EYS: variants seen among roughly 807,000 people sequenced by gnomAD.
The protein encoded by EYS is protein eyes shut homolog.
EYS carries 250 observed loss-of-function variants against 282.1 expected under a neutral mutation model. The observed-to-expected ratio is 0.89, with a 90% CI of 0.80 to 0.98. EYS has a LOEUF of 0.98. EYS is among the 50% of genes least tolerant of loss of function. The pLI is 0.00. For synonymous variants in EYS, 1,355 were observed against 1,282.9 expected (o/e 1.06, Z -1.20); for missense variants, 4,016 against 3,709.0 (o/e 1.08, Z -2.15).
At chr6:64,155,303 A>T (rs1322085183) in intron 31 of EYS, among the ~76,000 whole-genome samples, 1 of 151,746 alleles carries the variant, frequency 6.6e-6, no homozygotes, top group Non-Finnish European at 1.5e-5. Context: ...GGGTGTGATC[A>T]TTTCCAACCA....
At chr6:64,971,131 T>C (rs75491004) in intron 14 of EYS, among the ~76,000 whole-genome samples, 1 of 152,078 alleles carries the variant, frequency 6.6e-6, no homozygotes, top group East Asian at 1.9e-4. Flanking sequence ...CAACAAAGGA[T>C]GGCTTGATAA....
intron 22 of EYS, among the ~76,000 whole-genome samples, chr6:64,659,786 C>A (rs1478267675): frequency 2.0e-5 from 3 of 152,072 alleles, no homozygotes; most frequent in Non-Finnish European, 4.4e-5. Flanking sequence ...GATGGATTCA[C>A]AGCCGAATTC....
intron 33 of EYS, among the ~76,000 whole-genome samples, chr6:64,009,450 AT>A (rs34809101): frequency 0.4 from 61,154 of 151,324 alleles, 13,307 homozygotes; most frequent in African/African-American, 0.57. Flanking sequence ...CGCAAGGCTA[AT>A]TTTTTTGTAT....
At chr6:64,593,422 C>G in intron 24 of EYS, 113 bp from the exon 25 acceptor site, 1 of 651,612 alleles carries the variant, frequency 1.5e-6, no homozygotes, top group Non-Finnish European at 2.4e-6. Flanking sequence ...TTGGATAGCT[C>G]AAATAAAATA....
At chr6:65,351,635 C>T (rs934508419) in intron 9 of EYS, among the ~76,000 whole-genome samples, 2 of 151,628 alleles carry the variant, frequency 1.3e-5, no homozygotes, top group Non-Finnish European at 3.0e-5. Flanking sequence ...TTAAAAATAA[C>T]CAAACATATG....
intron 29 of EYS, among the ~76,000 whole-genome samples, chr6:64,374,023 A>G (rs1772481400): frequency 6.6e-6 from 1 of 151,832 alleles, no homozygotes; most frequent in African/African-American, 2.4e-5. Flanking sequence ...TCTCCAGTTG[A>G]GTTCACACAG....
At chr6:65,373,753 T>C (rs1765251473) in intron 8 of EYS, among the ~76,000 whole-genome samples, 1 of 152,180 alleles carries the variant, frequency 6.6e-6, no homozygotes, top group Non-Finnish European at 1.5e-5. Flanking sequence ...TTTAATTTGA[T>C]TAATTTTCCT....
chr6:63,946,676 T>C (rs754139669), intron 35 of EYS, among the ~76,000 whole-genome samples: 7 of 151,940 alleles, frequency 4.6e-5, no homozygotes, highest in African/African-American at 7.2e-5. Context: ...ATATATTAAA[T>C]TGAATAAAGT....
At chr6:65,455,000 G>T (rs1276172671) in intron 5 of EYS, among the ~76,000 whole-genome samples, 1 of 151,960 alleles carries the variant, frequency 6.6e-6, no homozygotes, top group Non-Finnish European at 1.5e-5. Flanking sequence ...TCTTTTTGTG[G>T]TTCCATATAA....
chr6:64,351,728 G>A (rs569377879), intron 29 of EYS, among the ~76,000 whole-genome samples: 2 of 151,448 alleles, frequency 1.3e-5, no homozygotes, highest in Admixed American at 1.3e-4. Flanking sequence ...AGGATTTCTA[G>A]GGGAACAAAA....
chr6:64,752,406 G>A (rs892465733), intron 22 of EYS, among the ~76,000 whole-genome samples: 1 of 151,930 alleles, frequency 6.6e-6, no homozygotes, highest in Admixed American at 6.6e-5. Flanking sequence ...GCAGAAGAAA[G>A]AATTTCAGAG....
intron 12 of EYS, among the ~76,000 whole-genome samples, chr6:65,066,693 G>A (rs142207251): frequency 1.1e-4 from 16 of 152,262 alleles, no homozygotes; most frequent in African/African-American, 3.8e-4. Flanking sequence ...CATTAGGGAA[G>A]CTATCTAAAT....
chr6:64,536,961 T>C (rs1402849265), intron 26 of EYS, among the ~76,000 whole-genome samples: 2 of 152,004 alleles, frequency 1.3e-5, no homozygotes, highest in Non-Finnish European at 2.9e-5. Flanking sequence ...CATTTGTTTA[T>C]GTATTAGAGC....
intron 41 of EYS, among the ~76,000 whole-genome samples, chr6:63,755,855 T>G (rs1769466595): frequency 6.6e-6 from 1 of 152,218 alleles, no homozygotes; most frequent in Non-Finnish European, 1.5e-5. Flanking sequence ...TCACATCCCT[T>G]GTAAATTGTA....
intron 2 of EYS, among the ~76,000 whole-genome samples, chr6:65,601,959 G>A (rs1765630758): frequency 6.6e-6 from 1 of 151,802 alleles, no homozygotes; most frequent in Non-Finnish European, 1.5e-5. Context: ...ATGTTGGTAT[G>A]AAGAAAATAA....
At chr6:65,287,131 G>A (rs1768389611) in intron 12 of EYS, among the ~76,000 whole-genome samples, 2 of 150,804 alleles carry the variant, frequency 1.3e-5, no homozygotes, top group South Asian at 4.2e-4. Flanking sequence ...CCAATAATGG[G>A]AAAATTGAAA....
At chr6:64,974,637 C>T (rs1770413992) in intron 14 of EYS, among the ~76,000 whole-genome samples, 1 of 151,870 alleles carries the variant, frequency 6.6e-6, no homozygotes, top group Non-Finnish European at 1.5e-5. Context: ...CCGTCTCTAT[C>T]TTCATGTCCT....
At chr6:65,598,723 A>T (rs1340655562) in intron 2 of EYS, among the ~76,000 whole-genome samples, 1 of 152,148 alleles carries the variant, frequency 6.6e-6, no homozygotes, top group East Asian at 1.9e-4. Flanking sequence ...CCATTGGACC[A>T]AAATCTGGAG....
chr6:64,387,091 T>G (rs1772937018), intron 29 of EYS, among the ~76,000 whole-genome samples: 1 of 152,168 alleles, frequency 6.6e-6, no homozygotes, highest in Non-Finnish European at 1.5e-5. Flanking sequence ...TTCTGCTCAC[T>G]TCATATCAAA....
Sources: gnomAD v4.1 joint callset for allele counts (sites outside exome capture counted in the v4.1 genomes callset) on GRCh38, gnomAD v4.1.1 for gene constraint, MANE v1.5 for transcripts, NCBI Gene and HGNC (gene_info 2026-07-23, HGNC 2026-07-21) for gene names.